Variants in PTPRG observed in about 807,000 individuals in gnomAD.
The protein encoded by PTPRG is receptor-type tyrosine-protein phosphatase gamma.
A neutral mutation model predicts 165.3 loss-of-function variants in PTPRG; 102 were observed. The observed-to-expected ratio is 0.62, with a 90% CI of 0.53 to 0.73. PTPRG has a LOEUF of 0.73. PTPRG is among the 30% of genes least tolerant of loss of function. PTPRG has a pLI of 0.00. For synonymous variants in PTPRG, 675 were observed against 669.5 expected, an observed-to-expected ratio of 1.01 and a Z score of -0.13; for missense variants, 1,866 against 1,861.4, an observed-to-expected ratio of 1.00 and a Z score of -0.05.
At chr3:62,039,839 T>TTC (rs1700069542) in intron 4 of PTPRG, among the ~76,000 whole-genome samples, 1 of 152,008 alleles carries the variant, frequency 6.6e-6, no homozygotes, top group South Asian at 2.1e-4. Flanking sequence ...TTGCCTTTTT[T>TTC]CCCCCAGCCA....
rs112659119 is a variant in PTPRG, at chr3:61,837,650, A to G, written c.190+88668A>G. On this transcript the variant is annotated intron_variant, in intron 2 of 29. Transcript: ENST00000474889. ...AAGGAAGGGGATGAGGAATGTCTGT[A>G]CACGTACACATGTACCATATTTTTC... is the stretch of plus-strand genomic sequence containing the variant. Among the ~76,000 whole-genome samples, 818 of 152,338 alleles carry G rather than the reference A, an allele frequency of 5.4e-3. 10 individuals are homozygous for G. The highest frequency in any genetic ancestry group is 0.015 in the African/African-American group (603 of 41,580).
intron 6 of PTPRG, among the ~76,000 whole-genome samples, chr3:62,134,571 T>A (rs1302205787): frequency 1.3e-5 from 2 of 152,246 alleles, no homozygotes; most frequent in Non-Finnish European, 2.9e-5. Context: ...TAGAAAGTTG[T>A]TTCTTAAGTA....
chr3:61,976,915 T>C (rs1663641212), intron 2 of PTPRG, among the ~76,000 whole-genome samples: 1 of 152,180 alleles, frequency 6.6e-6, no homozygotes, highest in Non-Finnish European at 1.5e-5. Flanking sequence ...CCTCAGGTGT[T>C]CTGCCATGCC....
chr3:62,292,947 C>T (rs1702952458), intron 29 of PTPRG, among the ~76,000 whole-genome samples: 1 of 152,048 alleles, frequency 6.6e-6, no homozygotes, highest in Non-Finnish European at 1.5e-5. Flanking sequence ...AGAATTGGTT[C>T]CAAGCTAACA....
At chr3:62,238,900 G>T (rs1576168091) in intron 14 of PTPRG, among the ~76,000 whole-genome samples, 1 of 152,180 alleles carries the variant, frequency 6.6e-6, no homozygotes, top group East Asian at 1.9e-4. Flanking sequence ...ATAGGGGGAA[G>T]TAGAAGATAA....
intron 4 of PTPRG, among the ~76,000 whole-genome samples, chr3:62,057,143 T>C (rs538281576): frequency 2.8e-4 from 43 of 152,174 alleles, no homozygotes; most frequent in Non-Finnish European, 5.3e-4. Context: ...TTGGGAGGTA[T>C]TTGCAATTGA....
At chr3:61,799,551 G>C (rs887787437) in intron 2 of PTPRG, among the ~76,000 whole-genome samples, 1 of 152,150 alleles carries the variant, frequency 6.6e-6, no homozygotes, top group Admixed American at 6.5e-5. Flanking sequence ...TTCATAGAAT[G>C]TCCTTCAATT....
At chr3:61,616,543 G>A (rs533891982) in intron 1 of PTPRG, among the ~76,000 whole-genome samples, 16 of 152,260 alleles carry the variant, frequency 1.1e-4, no homozygotes, top group African/African-American at 3.9e-4. Flanking sequence ...ACTCTTCCGT[G>A]TAGACACTTC....
chr3:62,035,619 T>G (rs1391999192), intron 4 of PTPRG, among the ~76,000 whole-genome samples: 5 of 152,254 alleles, frequency 3.3e-5, no homozygotes, highest in Admixed American at 2.6e-4. Flanking sequence ...ACCTTGCCAC[T>G]GACATTCATA....
chr3:62,036,254 T>C (rs1699932414), intron 4 of PTPRG, among the ~76,000 whole-genome samples: 1 of 152,034 alleles, frequency 6.6e-6, no homozygotes, highest in Non-Finnish European at 1.5e-5. Flanking sequence ...TTGAAGGAGG[T>C]GACTCTGGTT....
intron 4 of PTPRG, among the ~76,000 whole-genome samples, chr3:62,044,979 G>C (rs1402485905): frequency 6.6e-6 from 1 of 152,182 alleles, no homozygotes. Context: ...TGTGGTGGAG[G>C]AGAGGACAAA....
chr3:62,092,552 T>G (rs531379082), intron 5 of PTPRG, among the ~76,000 whole-genome samples: 1 of 152,010 alleles, frequency 6.6e-6, no homozygotes, highest in Non-Finnish European at 1.5e-5. Flanking sequence ...GTGAGTCAGC[T>G]TGGTGAAGAA....
chr3:61,715,655 T>G (rs1038510435), intron 1 of PTPRG, among the ~76,000 whole-genome samples: 6 of 152,136 alleles, frequency 3.9e-5, no homozygotes, highest in Non-Finnish European at 5.9e-5. Context: ...CTGGGTTGAC[T>G]GCCTAACTGC....
At chr3:61,584,374 T>TA (rs1271257445) in intron 1 of PTPRG, among the ~76,000 whole-genome samples, 1 of 152,206 alleles carries the variant, frequency 6.6e-6, no homozygotes, top group Non-Finnish European at 1.5e-5. Flanking sequence ...AACTACTCCT[T>TA]AGAGTGGAGG....
chr3:61,885,666 CCTCTCCTCTCCTCT>C (rs1456176669), intron 2 of PTPRG, among the ~76,000 whole-genome samples: 26 of 12,580 alleles, frequency 2.1e-3, no homozygotes, highest in Non-Finnish European at 4.2e-3. Context: ...TCTCTCCTCT[CCTCTCCTCTCCTCT>C]CCTCTCCTCT....
At chr3:61,781,227 C>G (rs368187701) in intron 2 of PTPRG, among the ~76,000 whole-genome samples, 2 of 152,176 alleles carry the variant, frequency 1.3e-5, no homozygotes, top group African/African-American at 4.8e-5. Context: ...AGTTCATAAA[C>G]CTTTAGGAGT....
intron 1 of PTPRG, among the ~76,000 whole-genome samples, chr3:61,745,867 A>G (rs2033177485): frequency 6.6e-6 from 1 of 152,216 alleles, no homozygotes; most frequent in Non-Finnish European, 1.5e-5. Context: ...GATGGTTTAA[A>G]GCATACGATG....
At chr3:62,199,573 C>CTGTTT (rs573510797) in intron 10 of PTPRG, among the ~76,000 whole-genome samples, 37 of 152,150 alleles carry the variant, frequency 2.4e-4, no homozygotes, top group African/African-American at 5.6e-4. Context: ...GTGGCAAATT[C>CTGTTT]TGTTTTGTTT....
At chr3:62,289,948 T>C (rs1488724428) in intron 28 of PTPRG, among the ~76,000 whole-genome samples, 5 of 152,208 alleles carry the variant, frequency 3.3e-5, no homozygotes, top group Admixed American at 1.3e-4. Flanking sequence ...GTTCGCATTA[T>C]TGGCAGATAA....
Sources: allele counts gnomAD v4.1 joint callset (sites outside exome capture counted in the v4.1 genomes callset), GRCh38; gene constraint gnomAD v4.1.1; transcripts MANE v1.5; gene names NCBI Gene and HGNC (gene_info 2026-07-23, HGNC 2026-07-21).